The following RASSF3 variants were observed in gnomAD, a reference collection of about 807,000 sequenced individuals.
RASSF3 encodes the protein Ras association domain family member 3, also known as ras association domain-containing protein 3.
RASSF3 carries 19 observed loss-of-function variants against 19.9 expected under a neutral mutation model. The observed-to-expected ratio is 0.96, with a 90% CI of 0.67 to 1.40. The LOEUF is 1.40. Among genes scored for constraint, RASSF3 ranks in the 40% most tolerant of loss-of-function variants. The probability of loss-of-function intolerance (pLI) is 0.00; values close to 1 mark genes in which losing one functional copy is unlikely to be tolerated. For missense variants in RASSF3, 306 were observed against 289.8 expected, an observed-to-expected ratio of 1.06 and a Z score of -0.41; for synonymous variants, 110 against 104.2, an observed-to-expected ratio of 1.06 and a Z score of -0.34.
intron 1 of RASSF3, among the ~76,000 whole-genome samples, chr12:64,675,741 G>C (rs146588213): frequency 6.6e-6 from 1 of 152,098 alleles, no homozygotes; most frequent in East Asian, 1.9e-4. Context: ...AGGGGATGGG[G>C]AGAGGCTGTT....
chr12:64,643,063 C>A (rs1314397535), intron 1 of RASSF3, among the ~76,000 whole-genome samples: 1 of 151,694 alleles, frequency 6.6e-6, no homozygotes, highest in African/African-American at 2.4e-5. Flanking sequence ...CCATGTTGCC[C>A]AGGGTGGTCT....
At chr12:64,665,423 C>G (rs2136201787) in intron 1 of RASSF3, among the ~76,000 whole-genome samples, 1 of 152,190 alleles carries the variant, frequency 6.6e-6, no homozygotes, top group South Asian at 2.1e-4. Context: ...TTAATTTTTA[C>G]TGTTAGATTT....
chr12:64,675,045 GCCCCC>G (rs1226885486), intron 1 of RASSF3, among the ~76,000 whole-genome samples: 13 of 57,528 alleles, frequency 2.3e-4, no homozygotes, highest in Admixed American at 9.7e-4. Flanking sequence ...TACCCACCTA[GCCCCC>G]CCCCCCCCCG....
At chr12:64,637,802 T>C (rs945271022) in intron 1 of RASSF3, among the ~76,000 whole-genome samples, 1 of 151,778 alleles carries the variant, frequency 6.6e-6, no homozygotes. Flanking sequence ...AATTAGGATG[T>C]TGCTTTGTGC....
At chr12:64,688,090 T>C in intron 2 of RASSF3, 126 bp from the exon 3 acceptor site, 1 of 748,774 alleles carries the variant, frequency 1.3e-6, no homozygotes, top group East Asian at 2.4e-5. Flanking sequence ...TTTAGTGAAG[T>C]TCTGCCACAA....
At chr12:64,555,748 CA>C (rs10719297) in intron 2 of RASSF3, among the ~76,000 whole-genome samples, 73,302 of 141,264 alleles carry the variant, frequency 0.52, 18,917 homozygotes, top group Non-Finnish European at 0.59. Context: ...GACTCTATCT[CA>C]AAAAAAAAAA....
intron 3 of RASSF3, among the ~76,000 whole-genome samples, chr12:64,689,932 G>T (rs992118432): frequency 6.7e-6 from 1 of 149,604 alleles, no homozygotes; most frequent in Non-Finnish European, 1.5e-5. Context: ...GGACTTACAG[G>T]CGCCCGCCAC....
At chr12:64,619,844 G>T (rs1277249369) in intron 1 of RASSF3, among the ~76,000 whole-genome samples, 3 of 152,012 alleles carry the variant, frequency 2.0e-5, no homozygotes, top group African/African-American at 4.8e-5. Context: ...GGCAGGCATG[G>T]TGGTGCATGC....
At chr12:64,610,016 T>C (rs1422918830), upstream of RASSF3, among the ~76,000 whole-genome samples, 1 of 152,082 alleles carries the variant, frequency 6.6e-6, no homozygotes, top group Non-Finnish European at 1.5e-5. Context: ...GGACTGGGCG[T>C]TGCGGCTGCA....
rs1432624758 is a variant in RASSF3 at position 64,684,851 on chromosome 12, A to G, written c.176A>G (p.His59Arg). The change falls in exon 2 of 5, where the codon CAT becomes CGT. Residue 59 changes from histidine to arginine, a missense_variant. By Grantham distance (29) the His-to-Arg change is conservative. Transcript: ENST00000542104. ...AAAGAGGAGATCAAAGAGAAAGTTC[A>G]TAAATACAACTTAGCAGTCACAGAC... ...LSKEEIKEKV[H>R]KYNLAVTDKL... The G allele has an allele frequency of 6.2e-7, 1 of 1,613,804 alleles. No homozygotes were observed. The highest frequency in any genetic ancestry group is 2.2e-5 in the East Asian group (1 of 44,882).
At chr12:64,531,510 G>A (rs1868708304), upstream of RASSF3, among the ~76,000 whole-genome samples, 1 of 152,188 alleles carries the variant, frequency 6.6e-6, no homozygotes, top group South Asian at 2.1e-4. Flanking sequence ...GTTAATCACA[G>A]TGTTGTGCAA....
chr12:64,555,741 T>C (rs1233715963), intron 2 of RASSF3, among the ~76,000 whole-genome samples: 3 of 122,012 alleles, frequency 2.5e-5, no homozygotes, highest in Admixed American at 8.6e-5. Context: ...AGAGCAAGAC[T>C]CTATCTCAAA....
At position 64,599,962 on chromosome 12, in the gene RASSF3, G is replaced by A. The variant is rs537543295; in HGVS notation, c.294+58257G>A. Among the ~76,000 whole-genome samples, 93 of 150,956 alleles carry A rather than the reference G, an allele frequency of 6.2e-4. 3 individuals are homozygous for A. In the South Asian group the frequency reaches 0.015, roughly 25 times the overall value. Reference sequence around the variant, plus strand: ...AAGGAGAATGGCGTGAACCCAGGAGGCGGAGCTTGCGGTGAGCCAAGATCG... The same window carrying A: ...AAGGAGAATGGCGTGAACCCAGGAGACGGAGCTTGCGGTGAGCCAAGATCG... On this transcript the variant is annotated intron_variant, in intron 2 of 5. Coordinates refer to the RASSF3 transcript ENST00000637125.
At chr12:64,565,777 G>C (rs569487533) in intron 2 of RASSF3, among the ~76,000 whole-genome samples, 3 of 152,262 alleles carry the variant, frequency 2.0e-5, no homozygotes, top group African/African-American at 7.2e-5. Flanking sequence ...CAGCTACTAG[G>C]GGGTGCTGAG....
In RASSF3 at chr12:64,622,491, C is replaced by T. The variant is rs375343864; in HGVS notation, c.111+11748C>T. The T allele has an allele frequency of 3.5e-3, 1,834 of 530,668 alleles. 47 individuals are homozygous for T. The highest frequency in any genetic ancestry group is 0.025 in the South Asian group (1,774 of 71,296). 32.9% of individuals were successfully genotyped at this position (530,668 alleles called of 1,614,324 possible). A position where few individuals can be genotyped will look rare whatever the true frequency, so the allele number is the denominator to read the frequency against. On this transcript the variant is annotated intron_variant, in intron 1 of 4. Coordinates refer to ENST00000542104, the MANE Select transcript of RASSF3 (RefSeq NM_178169.4). ...CTTACTGTCTTTTGTTGAAAAATTG[C>T]GATGAGAAAGGAATCGGCATTGGCA... is the stretch of plus-strand genomic sequence containing the variant.
intron 1 of RASSF3, among the ~76,000 whole-genome samples, chr12:64,653,588 T>C (rs890346318): frequency 1.8e-4 from 28 of 151,684 alleles, no homozygotes; most frequent in Non-Finnish European, 4.1e-4. Flanking sequence ...TTTTTGAGAC[T>C]GAGTCTTGCC....
intron 2 of RASSF3, among the ~76,000 whole-genome samples, chr12:64,590,401 C>A (rs1191476103): frequency 6.6e-6 from 1 of 152,142 alleles, no homozygotes; most frequent in Admixed American, 6.6e-5. Context: ...ACCATGTTTA[C>A]TTTGTAGACA....
At chr12:64,666,747 C>G (rs1427888776) in intron 1 of RASSF3, among the ~76,000 whole-genome samples, 1 of 152,216 alleles carries the variant, frequency 6.6e-6, no homozygotes, top group Non-Finnish European at 1.5e-5. Context: ...CCACCTAGGC[C>G]TTGAAGGGCA....
intron 2 of RASSF3, among the ~76,000 whole-genome samples, chr12:64,584,334 G>A (rs750514760): frequency 2.0e-5 from 3 of 151,964 alleles, no homozygotes; most frequent in Non-Finnish European, 1.5e-5. Context: ...TGCCCAGAGG[G>A]GAAGAGGGAC....
Sources: gnomAD v4.1 joint callset for allele counts (sites outside exome capture counted in the v4.1 genomes callset) on GRCh38, gnomAD v4.1.1 for gene constraint, MANE v1.5 for transcripts, NCBI Gene and HGNC (gene_info 2026-07-23, HGNC 2026-07-21) for gene names.